Variants in TMEM74 observed in about 807,000 individuals in gnomAD.
TMEM74 encodes the protein transmembrane protein 74.
In TMEM74, 13 loss-of-function variants were observed where a neutral mutation model predicts 18.1. The observed-to-expected ratio is 0.72, with a 90% confidence interval of 0.47 to 1.14. The LOEUF is 1.14. Ranked by LOEUF, TMEM74 falls within the 50% of genes most tolerant of loss-of-function variation. The probability of loss-of-function intolerance (pLI) is 0.00; values close to 1 mark genes in which losing one functional copy is unlikely to be tolerated. For synonymous variants in TMEM74, 159 were observed against 146.6 expected (o/e 1.08, Z -0.61); for missense variants, 372 against 375.9 (o/e 0.99, Z 0.09).
At chr8:108,776,042 G>C (rs1814230241), downstream of TMEM74, among the ~76,000 whole-genome samples, 1 of 152,202 alleles carries the variant, frequency 6.6e-6, no homozygotes, top group Non-Finnish European at 1.5e-5. Flanking sequence ...ATAAACACAT[G>C]AACTCTGTGG....
intron 1 of TMEM74, among the ~76,000 whole-genome samples, chr8:108,694,641 A>T (rs1228126016): frequency 6.6e-6 from 1 of 152,224 alleles, no homozygotes; most frequent in African/African-American, 2.4e-5. Flanking sequence ...CTGTATTGCC[A>T]AGGTTCTTAT....
chr8:108,662,428 T>C (rs952549516), intron 1 of TMEM74, among the ~76,000 whole-genome samples: 2 of 152,124 alleles, frequency 1.3e-5, no homozygotes, highest in Non-Finnish European at 1.5e-5. Context: ...ACTACAGACA[T>C]GAGAACTTTA....
chr8:108,655,761 C>T (rs1287077660), intron 1 of TMEM74, among the ~76,000 whole-genome samples: 1 of 152,020 alleles, frequency 6.6e-6, no homozygotes, highest in Non-Finnish European at 1.5e-5. Context: ...TTATAAGTAT[C>T]AGAAATATAA....
At chr8:108,718,252 C>T (rs1208071862) in intron 1 of TMEM74, among the ~76,000 whole-genome samples, 1 of 71,114 alleles carries the variant, frequency 1.4e-5, no homozygotes, top group Non-Finnish European at 2.2e-5. Context: ...GCCACCGCGC[C>T]CGGCCCTGAC....
chr8:108,785,126 C>G lies in TMEM74; in HGVS notation c.-28G>C, dbSNP rs1181758149. ...GAGCTAGTCAGACATCCCCCAGCAG[C>G]TTCCGGAAAGTCTGCCAATAGCAAC... On this transcript the variant is annotated 5_prime_UTR_variant, in exon 2 of 2. Coordinates refer to ENST00000297459, the MANE Select transcript of TMEM74 (RefSeq NM_153015.3). 1 of 1,545,600 alleles carries G rather than the reference C, an allele frequency of 6.5e-7. No homozygotes were observed. Among genetic ancestry groups the G allele is most frequent in the African/African-American group, 1.4e-5 (1 of 72,294 alleles).
intron 1 of TMEM74, among the ~76,000 whole-genome samples, chr8:108,704,947 G>T (rs1813382809): frequency 6.6e-6 from 1 of 152,128 alleles, no homozygotes; most frequent in African/African-American, 2.4e-5. Context: ...ATCTCAAAGT[G>T]AAAAATATCT....
At chr8:108,680,939 C>G (rs1043106466) in intron 1 of TMEM74, among the ~76,000 whole-genome samples, 1 of 152,074 alleles carries the variant, frequency 6.6e-6, no homozygotes, top group East Asian at 1.9e-4. Context: ...GAATAAAATA[C>G]CTAGGAATCC....
intron 1 of TMEM74, among the ~76,000 whole-genome samples, chr8:108,730,853 G>A (rs1184114139): frequency 1.3e-5 from 2 of 151,890 alleles, no homozygotes; most frequent in Non-Finnish European, 2.9e-5. Context: ...GGATGGTCTC[G>A]ATCTCTTGAC....
chr8:108,784,370 GC>G lies in TMEM74; in HGVS notation c.728del (p.Gly243AlafsTer8), dbSNP rs781155536. 1 of 1,613,906 alleles carries G rather than the reference GC, an allele frequency of 6.2e-7. No individual in the cohort carries two copies. The highest frequency in any genetic ancestry group is 8.5e-7 in the Non-Finnish European group (1 of 1,180,016). On this transcript the variant is annotated frameshift_variant, in exon 2 of 2. Transcript: ENST00000297459. LOFTEE classifies it high-confidence loss of function. ...TCATTAACAAGCAGGACAGGATGAC[GC>G]CCCCCAGCGTGAGGAGGCAGAGCCC... ...IAGLCLLTLG[G>X]VILSCLLMMS...
At chr8:108,624,080 C>T (rs928689699) in intron 2 of TMEM74, among the ~76,000 whole-genome samples, 1 of 152,054 alleles carries the variant, frequency 6.6e-6, no homozygotes, top group African/African-American at 2.4e-5. Flanking sequence ...TTTAGTTCAT[C>T]AGCAAAGTAG....
At chr8:108,756,698 A>C (rs1203484488) in intron 1 of TMEM74, among the ~76,000 whole-genome samples, 1 of 111,918 alleles carries the variant, frequency 8.9e-6, no homozygotes, top group Non-Finnish European at 1.7e-5. Context: ...GAAAGAAAGA[A>C]GGAAGGAAAG....
chr8:108,697,198 A>G (rs1211720529), intron 1 of TMEM74, among the ~76,000 whole-genome samples: 2 of 152,164 alleles, frequency 1.3e-5, no homozygotes, highest in African/African-American at 4.8e-5. Flanking sequence ...TGCAATGGTC[A>G]GTGGATGTCC....
intron 2 of TMEM74, among the ~76,000 whole-genome samples, chr8:108,616,659 C>T (rs1244780438): frequency 2.0e-5 from 3 of 152,142 alleles, no homozygotes; most frequent in Non-Finnish European, 4.4e-5. Context: ...TTCATGCCAA[C>T]ATAAGAAGAC....
At chr8:108,726,607 T>C (rs796868467) in intron 1 of TMEM74, among the ~76,000 whole-genome samples, 11 of 152,272 alleles carry the variant, frequency 7.2e-5, no homozygotes, top group African/African-American at 2.2e-4. Context: ...CTTATCAGTA[T>C]ATTAAAGCAT....
chr8:108,691,104 G>T (rs1813223180), intron 1 of TMEM74, among the ~76,000 whole-genome samples: 1 of 152,208 alleles, frequency 6.6e-6, no homozygotes, highest in South Asian at 2.1e-4. Flanking sequence ...TGCTATGAAA[G>T]AATCTAAACG....
chr8:108,637,439 T>C (rs1280912184), intron 2 of TMEM74, among the ~76,000 whole-genome samples: 7 of 152,124 alleles, frequency 4.6e-5, no homozygotes, highest in African/African-American at 1.7e-4. Flanking sequence ...TGATGAAGTA[T>C]CTTGAGATGG....
At chr8:108,743,370 C>G (rs2130647659) in intron 1 of TMEM74, among the ~76,000 whole-genome samples, 1 of 152,150 alleles carries the variant, frequency 6.6e-6, no homozygotes. Context: ...CTCCTTCTTG[C>G]AGCAAAACAA....
intron 1 of TMEM74, among the ~76,000 whole-genome samples, chr8:108,741,557 T>TTA (rs1352748592): frequency 6.6e-6 from 1 of 152,194 alleles, no homozygotes; most frequent in East Asian, 1.9e-4. Context: ...GAAATGTAAA[T>TTA]TATATGTTTA....
chr8:108,738,860 T>C (rs908386949), intron 1 of TMEM74, among the ~76,000 whole-genome samples: 119 of 152,346 alleles, frequency 7.8e-4, no homozygotes, highest in African/African-American at 2.8e-3. Flanking sequence ...AATTTTGTTG[T>C]ATAGTCACAT....
Sources: gnomAD v4.1 joint callset for allele counts (sites outside exome capture counted in the v4.1 genomes callset) on GRCh38, gnomAD v4.1.1 for gene constraint, MANE v1.5 for transcripts, NCBI Gene and HGNC (gene_info 2026-07-23, HGNC 2026-07-21) for gene names.